Variants in RASGRF2 observed in about 807,000 individuals in gnomAD.
The protein encoded by RASGRF2 is Ras protein specific guanine nucleotide releasing factor 2.
A neutral mutation model predicts 151.0 loss-of-function variants in RASGRF2; 76 were observed. The observed-to-expected ratio is 0.50, with a 90% CI of 0.42 to 0.61. The LOEUF is 0.61. Among genes scored for constraint, RASGRF2 ranks in the 20% least tolerant of loss-of-function variants. The probability of loss-of-function intolerance (pLI) is 0.00; values close to 1 mark genes in which losing one functional copy is unlikely to be tolerated. For synonymous variants in RASGRF2, 504 were observed against 566.5 expected (o/e 0.89, Z 1.57); for missense variants, 1,148 against 1,564.6 (o/e 0.73, Z 4.49).
At chr5:81,111,194 C>A (rs990355985) in intron 13 of RASGRF2, among the ~76,000 whole-genome samples, 1 of 152,244 alleles carries the variant, frequency 6.6e-6, no homozygotes, top group Admixed American at 6.5e-5. Context: ...GCTCACTGAA[C>A]GTCACTGACC....
At chr5:81,193,652 A>G (rs1471976604) in intron 18 of RASGRF2, among the ~76,000 whole-genome samples, 2 of 151,960 alleles carry the variant, frequency 1.3e-5, no homozygotes, top group Non-Finnish European at 2.9e-5. Flanking sequence ...CGTAGCTGGG[A>G]TTACAGGCGC....
intron 22 of RASGRF2, 99 bp downstream of exon 22, chr5:81,208,537 T>A: frequency 1.1e-5 from 1 of 89,006 alleles, no homozygotes; most frequent in Non-Finnish European, 1.6e-5. Flanking sequence ...TCACCCACTT[T>A]TTTTTTTTTT....
At chr5:80,970,399 AG>A (rs1225603261) in intron 1 of RASGRF2, among the ~76,000 whole-genome samples, 1 of 152,138 alleles carries the variant, frequency 6.6e-6, no homozygotes, top group African/African-American at 2.4e-5. Flanking sequence ...CTGAGTGTTG[AG>A]GGGAACAGTG....
intron 23 of RASGRF2, among the ~76,000 whole-genome samples, chr5:81,214,049 A>C (rs1360351012): frequency 6.6e-6 from 1 of 152,160 alleles, no homozygotes; most frequent in Non-Finnish European, 1.5e-5. Flanking sequence ...TCCAGATTTC[A>C]CCAGCTTTCT....
At chr5:81,024,202 A>G (rs1306695194) in intron 1 of RASGRF2, among the ~76,000 whole-genome samples, 1 of 150,720 alleles carries the variant, frequency 6.6e-6, no homozygotes, top group Non-Finnish European at 1.5e-5. Context: ...CTTTTTGGTA[A>G]AATTCTGCTG....
At chr5:81,000,638 A>G (rs1445703141) in intron 1 of RASGRF2, among the ~76,000 whole-genome samples, 1 of 152,206 alleles carries the variant, frequency 6.6e-6, no homozygotes, top group African/African-American at 2.4e-5. Context: ...GTAAAAGTTA[A>G]TGTGTCAAGA....
At chr5:80,988,008 CGTGTGTGTGTGTGTGTGTGTGT>C (rs58750663) in intron 1 of RASGRF2, among the ~76,000 whole-genome samples, 1 of 139,396 alleles carries the variant, frequency 7.2e-6, no homozygotes, top group Non-Finnish European at 1.6e-5. Context: ...AATAAATGTG[CGTGTGTGTGTGTGTGTGTGTGT>C]GTGTGTGTGT....
chr5:81,003,769 G>A (rs1476297532), intron 1 of RASGRF2, among the ~76,000 whole-genome samples: 1 of 152,182 alleles, frequency 6.6e-6, no homozygotes, highest in African/African-American at 2.4e-5. Context: ...AGAAATCTGT[G>A]TAACACAGGG....
intron 1 of RASGRF2, among the ~76,000 whole-genome samples, chr5:81,000,046 C>G (rs1022661559): frequency 6.6e-6 from 1 of 152,034 alleles, no homozygotes; most frequent in Non-Finnish European, 1.5e-5. Flanking sequence ...TGGAGTAGCT[C>G]GACTGGGAAT....
chr5:81,068,897 C>G (rs942352641), intron 3 of RASGRF2, among the ~76,000 whole-genome samples: 4 of 152,156 alleles, frequency 2.6e-5, no homozygotes, highest in Non-Finnish European at 5.9e-5. Context: ...CCTATCCTTC[C>G]TCATGGGCAG....
intron 17 of RASGRF2, among the ~76,000 whole-genome samples, chr5:81,141,654 C>A (rs1753888181): frequency 6.6e-6 from 1 of 152,174 alleles, no homozygotes; most frequent in Admixed American, 6.5e-5. Flanking sequence ...CCTTTCTCTG[C>A]AGCACGTCCA....
At chr5:81,225,214 C>T (rs1277676564) in intron 26 of RASGRF2, among the ~76,000 whole-genome samples, 1 of 152,148 alleles carries the variant, frequency 6.6e-6, no homozygotes, top group African/African-American at 2.4e-5. Flanking sequence ...AACTCAACAT[C>T]TATCAATATG....
rs1213812130 is a variant in RASGRF2, at chr5:80,961,152, C to A, written c.288+126C>A. The A allele has an allele frequency of 7.1e-6, 8 of 1,122,742 alleles. No homozygotes were observed. In the Admixed American group the frequency reaches 9.2e-5, roughly 13 times the overall value. The allele number at this position is 1,122,742 out of a possible 1,614,324, so 69.5% of individuals were successfully genotyped here. A position where few individuals can be genotyped will look rare whatever the true frequency, so the allele number is the denominator to read the frequency against. ...GGGACTATGCTCCGAAATCCCCCCGCGTCACCAGTGGCGGGACATCTCCAC... is the reference window on the plus strand; with the variant it reads ...GGGACTATGCTCCGAAATCCCCCCGAGTCACCAGTGGCGGGACATCTCCAC... On this transcript the variant is annotated intron_variant, in intron 1 of 26. Coordinates refer to ENST00000265080, the MANE Select transcript of RASGRF2 (RefSeq NM_006909.3).
At chr5:81,110,446 A>G (rs1285313637) in intron 13 of RASGRF2, among the ~76,000 whole-genome samples, 1 of 152,226 alleles carries the variant, frequency 6.6e-6, no homozygotes, top group Non-Finnish European at 1.5e-5. Flanking sequence ...ATGAAAATGT[A>G]ATCACGATTT....
intron 2 of RASGRF2, among the ~76,000 whole-genome samples, chr5:81,060,471 C>G (rs941315934): frequency 1.3e-5 from 2 of 152,252 alleles, no homozygotes; most frequent in Non-Finnish European, 2.9e-5. Flanking sequence ...TCCTGTTCTC[C>G]TCTTACCATT....
intron 1 of RASGRF2, among the ~76,000 whole-genome samples, chr5:81,013,911 G>T (rs1181107965): frequency 6.6e-6 from 1 of 152,006 alleles, no homozygotes; most frequent in Admixed American, 6.6e-5. Flanking sequence ...ACAATGTTTT[G>T]ATTGGCTTTT....
At chr5:81,092,600 AT>A (rs1752421330) in intron 9 of RASGRF2, among the ~76,000 whole-genome samples, 200 bp from the exon 10 acceptor site, 1 of 152,218 alleles carries the variant, frequency 6.6e-6, no homozygotes, top group Admixed American at 6.5e-5. Flanking sequence ...TCACAAAAAT[AT>A]TAGGAACAGT....
chr5:81,061,687 C>T (rs949166382), intron 2 of RASGRF2, among the ~76,000 whole-genome samples: 4 of 151,150 alleles, frequency 2.6e-5, no homozygotes, highest in Non-Finnish European at 4.4e-5. Flanking sequence ...TTATTTCCTT[C>T]CTTCTTTCCT....
At chr5:81,182,595 G>A (rs767948823) in intron 18 of RASGRF2, among the ~76,000 whole-genome samples, 4 of 152,128 alleles carry the variant, frequency 2.6e-5, no homozygotes, top group African/African-American at 7.2e-5. Context: ...CACAATGGGT[G>A]GTTTGAGCAA....
Sources: gnomAD v4.1 joint callset for allele counts (sites outside exome capture counted in the v4.1 genomes callset) on GRCh38, gnomAD v4.1.1 for gene constraint, MANE v1.5 for transcripts, NCBI Gene and HGNC (gene_info 2026-07-23, HGNC 2026-07-21) for gene names.